TASP1: variants seen among roughly 807,000 people sequenced by gnomAD.
TASP1 encodes threonine aspartase 1.
In TASP1, 16 loss-of-function variants were observed where a neutral mutation model predicts 56.6. The ratio of observed to expected loss-of-function variants is 0.28; its 90% CI spans 0.19 to 0.43. The LOEUF is 0.43. Among genes scored for constraint, TASP1 ranks in the 20% least tolerant of loss-of-function variants. The probability of loss-of-function intolerance (pLI) is 1.00; values close to 1 mark genes in which losing one functional copy is unlikely to be tolerated. For missense variants in TASP1, 393 were observed against 511.6 expected (o/e 0.77, Z 2.24); for synonymous variants, 179 against 184.2 (o/e 0.97, Z 0.23).
At chr20:13,590,822 T>C (rs892522499) in intron 4 of TASP1, among the ~76,000 whole-genome samples, 1 of 151,662 alleles carries the variant, frequency 6.6e-6, no homozygotes, top group African/African-American at 2.4e-5. Context: ...GCTGAGATCA[T>C]GCCACTGCAC....
chr20:13,359,244 C>G, the TASP1 span, among the ~76,000 whole-genome samples: 1,343 of 147,218 alleles, frequency 9.1e-3, 50 homozygotes, highest in African/African-American at 0.034. Context: ...CTACACGTGC[C>G]GGAAATCTGG....
chr20:13,311,243 T>TAGATAGATAGATAGATGATAGATA, the TASP1 span, among the ~76,000 whole-genome samples: 1,134 of 127,826 alleles, frequency 8.9e-3, 11 homozygotes, highest in Middle Eastern at 0.015. Context: ...GATAGATAGA[T>TAGATAGATAGATAGATGATAGATA]GATAGATAGA....
the TASP1 span, among the ~76,000 whole-genome samples, chr20:13,277,420 A>AGGGAGT: frequency 3.5e-5 from 3 of 85,344 alleles, no homozygotes; most frequent in African/African-American, 1.4e-4. Context: ...GTTCCCTCAG[A>AGGGAGT]TGGGGCTGCA....
At chr20:13,456,243 A>C (rs1221657907) in intron 11 of TASP1, among the ~76,000 whole-genome samples, 1 of 152,150 alleles carries the variant, frequency 6.6e-6, no homozygotes, top group Non-Finnish European at 1.5e-5. Context: ...AGGGCCAAAG[A>C]ATGATAAATC....
intron 11 of TASP1, among the ~76,000 whole-genome samples, chr20:13,453,813 T>C (rs1185885140): frequency 1.3e-5 from 2 of 151,854 alleles, no homozygotes; most frequent in Admixed American, 1.3e-4. Flanking sequence ...CACATACACA[T>C]CATTTACAAC....
the TASP1 span, chr20:13,222,024 T>A: frequency 9.7e-7 from 1 of 1,033,014 alleles, no homozygotes; most frequent in Non-Finnish European, 1.3e-6. Context: ...CTGCCCCACC[T>A]AAGAGCAACT....
chr20:13,369,537 T>C, the TASP1 span, among the ~76,000 whole-genome samples: 3 of 152,254 alleles, frequency 2.0e-5, no homozygotes, highest in African/African-American at 4.8e-5. Context: ...TGAGCAGAGA[T>C]GGTGCATGGG....
At chr20:13,578,105 C>T (rs2046991673) in intron 6 of TASP1, among the ~76,000 whole-genome samples, 1 of 152,026 alleles carries the variant, frequency 6.6e-6, no homozygotes. Context: ...TGTTTATGTT[C>T]CCATCAACAG....
chr20:13,254,924 T>C, the TASP1 span, among the ~76,000 whole-genome samples: 1 of 152,314 alleles, frequency 6.6e-6, no homozygotes. Context: ...CTTCCATTCA[T>C]TCAGAGAGCA....
At position 13,414,085 on chromosome 20, in the gene TASP1, T is replaced by C. The variant is rs112979602; in HGVS notation, c.1170+3363A>G. ...TATAGCATTTTTCTGATATAGGATC[T>C]AGTCTAGGACCAGTTACTGCATTTA... On this transcript the variant is annotated intron_variant, in intron 13 of 13. Coordinates refer to ENST00000337743, the MANE Select transcript of TASP1 (RefSeq NM_017714.3). Among the ~76,000 whole-genome samples the C allele has an allele frequency of 2.0e-4, 31 of 152,358 alleles. 2 individuals are homozygous for C. The highest frequency in any genetic ancestry group is 7.2e-4 in the African/African-American group (30 of 41,590).
downstream of TASP1, among the ~76,000 whole-genome samples, chr20:13,387,596 C>T (rs936522225): frequency 6.6e-6 from 1 of 152,138 alleles, no homozygotes; most frequent in East Asian, 1.9e-4. Flanking sequence ...CATGTCTTTG[C>T]TATTGTGAAT....
At chr20:13,359,692 A>C in the TASP1 span, among the ~76,000 whole-genome samples, 2 of 132,474 alleles carry the variant, frequency 1.5e-5, no homozygotes, top group Admixed American at 1.5e-4. Context: ...ACTCCTTTTT[A>C]GTTATCCCCA....
chr20:13,276,359 G>A, the TASP1 span, among the ~76,000 whole-genome samples: 2 of 151,878 alleles, frequency 1.3e-5, no homozygotes, highest in Admixed American at 1.3e-4. Context: ...GCATTTCCGA[G>A]CAAGAATCAA....
the TASP1 span, among the ~76,000 whole-genome samples, chr20:13,242,990 A>G: frequency 3.3e-5 from 5 of 152,188 alleles, no homozygotes; most frequent in East Asian, 9.6e-4. Context: ...TGTTATCCTC[A>G]TTTTACACAA....
the TASP1 span, among the ~76,000 whole-genome samples, chr20:13,308,429 C>T: frequency 1.3e-5 from 2 of 152,222 alleles, no homozygotes; most frequent in East Asian, 1.9e-4. Flanking sequence ...AACAGAAACT[C>T]TTACCATCAC....
intron 7 of TASP1, among the ~76,000 whole-genome samples, chr20:13,565,892 T>C (rs890909512): frequency 2.6e-5 from 4 of 152,304 alleles, no homozygotes; most frequent in East Asian, 1.9e-4. Flanking sequence ...GATATTTGCA[T>C]AGCCATGTTC....
At chr20:13,333,668 CGTT>C in the TASP1 span, among the ~76,000 whole-genome samples, 1 of 152,146 alleles carries the variant, frequency 6.6e-6, no homozygotes, top group Non-Finnish European at 1.5e-5. Flanking sequence ...AATAATGCCT[CGTT>C]GTTCTATCAA....
the TASP1 span, among the ~76,000 whole-genome samples, chr20:13,302,377 C>T: frequency 6.6e-6 from 1 of 152,196 alleles, no homozygotes; most frequent in Non-Finnish European, 1.5e-5. Flanking sequence ...TATAATCCAC[C>T]TCTATTAGGA....
At chr20:13,423,627 T>C (rs908957116) in intron 12 of TASP1, among the ~76,000 whole-genome samples, 11 of 152,204 alleles carry the variant, frequency 7.2e-5, no homozygotes, top group African/African-American at 1.4e-4. Flanking sequence ...TGTAAGTACA[T>C]AGAGTCTCTC....
Sources: gnomAD v4.1 joint callset for allele counts (sites outside exome capture counted in the v4.1 genomes callset) on GRCh38, gnomAD v4.1.1 for gene constraint, MANE v1.5 for transcripts, NCBI Gene and HGNC (gene_info 2026-07-23, HGNC 2026-07-21) for gene names.